The following ANGPT1 variants were observed in gnomAD, a reference collection of about 807,000 sequenced individuals.
ANGPT1 encodes angiopoietin 1.
In ANGPT1, 17 loss-of-function variants were observed where a neutral mutation model predicts 62.2. That is an observed-to-expected ratio of 0.27 (90% CI 0.19 to 0.41). The LOEUF (loss-of-function observed/expected upper bound fraction) is 0.41, where lower values mean the gene tolerates loss of function less well. Ranked by LOEUF, ANGPT1 falls within the 10% of genes least tolerant of loss-of-function variation. The pLI is 1.00. For missense variants in ANGPT1, 478 were observed against 594.9 expected (o/e 0.80, Z 2.04); for synonymous variants, 199 against 198.9 (o/e 1.00, Z 0.00).
rs575435046 is a variant in ANGPT1 at position 107,497,764 on chromosome 8, A to G, written c.-206T>C. ...TAAAATTTTTTATTTCACTGCAATG[A>G]TGTTTTTCTTCGTTAAAACTTGAGA... is the stretch of plus-strand genomic sequence containing the variant. On this transcript the variant is annotated 5_prime_UTR_variant, in exon 1 of 9. Transcript: ENST00000517746. 3 of 600,378 alleles carry G rather than the reference A, an allele frequency of 5.0e-6. No individual in the cohort carries two copies. In the East Asian group the frequency reaches 8.4e-5, roughly 17 times the overall value. The allele number at this position is 600,378 out of a possible 1,614,324, so 37.2% of individuals were successfully genotyped here.
At chr8:107,279,734 C>A (rs920528777) in intron 7 of ANGPT1, among the ~76,000 whole-genome samples, 1 of 145,824 alleles carries the variant, frequency 6.9e-6, no homozygotes. Context: ...CACACACATA[C>A]ACACACACGT....
chr8:107,271,317 G>C (rs1586175342), intron 7 of ANGPT1, among the ~76,000 whole-genome samples: 1 of 151,992 alleles, frequency 6.6e-6, no homozygotes, highest in South Asian at 2.1e-4. Context: ...CCCTTAAAAA[G>C]ACTGCTGCAT....
At chr8:107,311,661 T>C (rs1050574250) in intron 4 of ANGPT1, among the ~76,000 whole-genome samples, 5 of 152,246 alleles carry the variant, frequency 3.3e-5, no homozygotes, top group African/African-American at 1.2e-4. Context: ...ATTTGTACTG[T>C]AGTTTGATTA....
At chr8:107,409,378 G>A (rs1489698180) in intron 1 of ANGPT1, among the ~76,000 whole-genome samples, 3 of 152,138 alleles carry the variant, frequency 2.0e-5, no homozygotes, top group Non-Finnish European at 4.4e-5. Context: ...GATTCCCAGA[G>A]CGCAACATTC....
intron 3 of ANGPT1, among the ~76,000 whole-genome samples, chr8:107,334,970 AC>A (rs1239073469): frequency 6.6e-6 from 1 of 152,126 alleles, no homozygotes; most frequent in Non-Finnish European, 1.5e-5. Flanking sequence ...AGCATGAGTG[AC>A]CCCTTTCAGA....
chr8:107,446,452 G>GA (rs1299972757), intron 1 of ANGPT1, among the ~76,000 whole-genome samples: 1 of 152,124 alleles, frequency 6.6e-6, no homozygotes, highest in Non-Finnish European at 1.5e-5. Context: ...TTCTGAGTGA[G>GA]AAAAGCCAAG....
chr8:107,344,981 G>A (rs968425990), intron 2 of ANGPT1, among the ~76,000 whole-genome samples: 2 of 152,126 alleles, frequency 1.3e-5, no homozygotes, highest in Non-Finnish European at 2.9e-5. Context: ...TAAGTAGCAC[G>A]AGGGTATACA....
At chr8:107,382,992 G>C (rs1816668197) in intron 1 of ANGPT1, among the ~76,000 whole-genome samples, 2 of 152,132 alleles carry the variant, frequency 1.3e-5, no homozygotes, top group African/African-American at 4.8e-5. Context: ...ACTGGTATTT[G>C]CTGAAATGCT....
At chr8:107,404,211 A>G (rs1283687) in intron 1 of ANGPT1, among the ~76,000 whole-genome samples, 21,455 of 152,154 alleles carry the variant, frequency 0.14, 1,784 homozygotes, top group South Asian at 0.2. Flanking sequence ...GTGTTTGGTT[A>G]AAACAAATGG....
At chr8:107,267,688 G>T (rs753403850) in intron 7 of ANGPT1, among the ~76,000 whole-genome samples, 1 of 152,034 alleles carries the variant, frequency 6.6e-6, no homozygotes, top group African/African-American at 2.4e-5. Context: ...TTGCTCGGTT[G>T]TTCCTCCAAA....
chr8:107,420,001 T>C (rs1810856538), intron 1 of ANGPT1, among the ~76,000 whole-genome samples: 1 of 152,200 alleles, frequency 6.6e-6, no homozygotes, highest in South Asian at 2.1e-4. Context: ...AAGAGGAATC[T>C]TAGGTTTAGA....
Position 107,249,690 on chromosome 8 carries a change from T to C in ANGPT1, c.*2165A>G, listed in dbSNP as rs996614397. On this transcript the variant is annotated 3_prime_UTR_variant, in exon 9 of 9. Coordinates refer to ENST00000517746, the MANE Select transcript of ANGPT1 (RefSeq NM_001146.5). ...ATAACAATCATAAAACATTTTATAC[T>C]GATTTATTATAAATAATTGGAAACA... The C allele has an allele frequency of 6.6e-6, 1 of 152,184 alleles. No individual in the cohort carries two copies. The highest frequency in any genetic ancestry group is 2.4e-5 in the African/African-American group (1 of 41,454). 9.4% of individuals were successfully genotyped at this position (152,184 alleles called of 1,614,324 possible). A position where few individuals can be genotyped will look rare whatever the true frequency, so the allele number is the denominator to read the frequency against.
At chr8:107,345,120 T>A (rs372191451) in intron 2 of ANGPT1, among the ~76,000 whole-genome samples, 1 of 152,216 alleles carries the variant, frequency 6.6e-6, no homozygotes, top group African/African-American at 2.4e-5. Flanking sequence ...GCCATTGTCA[T>A]CCTTTTCTAC....
intron 1 of ANGPT1, among the ~76,000 whole-genome samples, chr8:107,466,716 A>T (rs1324358750): frequency 1.3e-5 from 2 of 152,076 alleles, no homozygotes; most frequent in African/African-American, 2.4e-5. Flanking sequence ...GTTTGAGATT[A>T]GCCTGGCCAA....
chr8:107,464,061 G>A (rs1812139920), intron 1 of ANGPT1, among the ~76,000 whole-genome samples: 1 of 152,122 alleles, frequency 6.6e-6, no homozygotes, highest in Non-Finnish European at 1.5e-5. Context: ...ATTTAGTGTG[G>A]TGAGTAAGAA....
At chr8:107,482,062 A>C (rs2130523146) in intron 1 of ANGPT1, among the ~76,000 whole-genome samples, 1 of 152,354 alleles carries the variant, frequency 6.6e-6, no homozygotes, top group South Asian at 2.1e-4. Flanking sequence ...GGATGGACTA[A>C]GATGGCTGGT....
intron 5 of ANGPT1, among the ~76,000 whole-genome samples, chr8:107,301,675 T>A (rs571628420): frequency 6.6e-6 from 1 of 152,008 alleles, no homozygotes; most frequent in East Asian, 1.9e-4. Context: ...GGTAGCAAAG[T>A]ACAGAAGAGT....
At chr8:107,273,202 T>G (rs866790609) in intron 7 of ANGPT1, among the ~76,000 whole-genome samples, 1 of 152,156 alleles carries the variant, frequency 6.6e-6, no homozygotes, top group African/African-American at 2.4e-5. Context: ...TTCTCATTTT[T>G]TATTTGTGTT....
chr8:107,268,067 C>T (rs1813655055), intron 7 of ANGPT1, among the ~76,000 whole-genome samples: 1 of 151,896 alleles, frequency 6.6e-6, no homozygotes, highest in South Asian at 2.1e-4. Flanking sequence ...TTTCTGTTTC[C>T]CATAATAAAC....
Sources: allele counts gnomAD v4.1 joint callset (sites outside exome capture counted in the v4.1 genomes callset), GRCh38; gene constraint gnomAD v4.1.1; transcripts MANE v1.5; gene names NCBI Gene and HGNC (gene_info 2026-07-23, HGNC 2026-07-21).